NRXN1: variants seen among roughly 807,000 people sequenced by gnomAD.
NRXN1 encodes neurexin-1.
Under a neutral mutation model 150.9 loss-of-function variants are expected in NRXN1, and 39 were observed. The observed-to-expected ratio is 0.26, with a 90% CI of 0.20 to 0.34. The LOEUF is 0.34. Among genes scored for constraint, NRXN1 ranks in the 10% least tolerant of loss-of-function variants. The pLI is 1.00. For missense variants in NRXN1, 1,815 were observed against 1,949.9 expected (o/e 0.93, Z 1.30); for synonymous variants, 924 against 757.0 (o/e 1.22, Z -3.62).
rs773828290 is a variant in NRXN1, at chr2:50,091,500, AGAGAG to A, written c.3547-11_3547-7del. 1.2e-6 allele frequency: 2 copies of A among 1,614,060 alleles called. No homozygotes were observed. The highest frequency in any genetic ancestry group is 1.7e-6 in the Non-Finnish European group (2 of 1,179,978). On this transcript the variant is annotated splice_polypyrimidine_tract_variant and splice_region_variant and intron_variant, in intron 18 of 22. Coordinates refer to ENST00000401669, the MANE Select transcript of NRXN1 (RefSeq NM_001330078.2). Reference sequence around the variant, plus strand: ...ACTCCAATTTTTCCCTGGTGCTGTAAGAGAGGAGGGGAAAAAAGAGTTGAATTAAG... The same window carrying A: ...ACTCCAATTTTTCCCTGGTGCTGTAAGAGGGGAAAAAAGAGTTGAATTAAG...
intron 21 of NRXN1, among the ~76,000 whole-genome samples, chr2:50,014,937 C>G (rs997978059): frequency 1.3e-5 from 2 of 152,138 alleles, no homozygotes; most frequent in African/African-American, 4.8e-5. Flanking sequence ...CCGGTGTAGT[C>G]AAGACTTCTG....
Position 50,351,820 on chromosome 2 carries a change from T to C in NRXN1, c.3364+113622A>G, listed in dbSNP as rs987917191. ...GGTGGGTGCTGTCGTTGAAATACTG[T>C]CATATTTGCTTCAGGAAAACCATTT... is the stretch of plus-strand genomic sequence containing the variant. On this transcript the variant is annotated intron_variant, in intron 17 of 22. Transcript: ENST00000401669. Among the ~76,000 whole-genome samples, 8 of 152,140 alleles carry C rather than the reference T, an allele frequency of 5.3e-5. No individual in the cohort carries two copies. The South Asian group carries it at 1.0e-3, about 20-fold the overall frequency.
intron 2 of NRXN1, among the ~76,000 whole-genome samples, chr2:50,997,041 A>G (rs957763922): frequency 6.6e-6 from 1 of 152,016 alleles, no homozygotes. Context: ...AGTTTAAAAA[A>G]CTGCAAGAAG....
At chr2:50,708,501 T>A (rs1480637687) in intron 5 of NRXN1, among the ~76,000 whole-genome samples, 1 of 152,120 alleles carries the variant, frequency 6.6e-6, no homozygotes. Context: ...GTTAGTAAGA[T>A]AAAGGACTTA....
At chr2:50,877,131 T>G (rs1255799734) in intron 5 of NRXN1, among the ~76,000 whole-genome samples, 2 of 151,608 alleles carry the variant, frequency 1.3e-5, no homozygotes, top group Non-Finnish European at 3.0e-5. Flanking sequence ...ATGTTAATGA[T>G]GTGCTTGATG....
At chr2:50,807,617 G>A (rs1379988099) in intron 5 of NRXN1, among the ~76,000 whole-genome samples, 3 of 152,070 alleles carry the variant, frequency 2.0e-5, no homozygotes, top group Non-Finnish European at 4.4e-5. Flanking sequence ...TCCCTCCAGA[G>A]AATCAATTTG....
At chr2:50,847,802 G>T (rs1484127917) in intron 5 of NRXN1, among the ~76,000 whole-genome samples, 1 of 152,034 alleles carries the variant, frequency 6.6e-6, no homozygotes, top group African/African-American at 2.4e-5. Flanking sequence ...GCAGCCAGCC[G>T]TCCACCATCG....
intron 17 of NRXN1, among the ~76,000 whole-genome samples, chr2:50,393,751 T>C (rs190364976): frequency 3.9e-5 from 6 of 152,104 alleles, no homozygotes; most frequent in African/African-American, 1.4e-4. Context: ...TCTCCCTACA[T>C]GAGAATCTGG....
At chr2:50,034,947 T>C (rs899353448) in intron 21 of NRXN1, among the ~76,000 whole-genome samples, 1 of 152,126 alleles carries the variant, frequency 6.6e-6, no homozygotes, top group Non-Finnish European at 1.5e-5. Flanking sequence ...AACTTGAATT[T>C]ATTATTTTAA....
At chr2:50,840,796 G>T (rs10490176) in intron 5 of NRXN1, among the ~76,000 whole-genome samples, 1 of 151,892 alleles carries the variant, frequency 6.6e-6, no homozygotes, top group Non-Finnish European at 1.5e-5. Context: ...AATCTTAAGA[G>T]AGGACTTCAG....
chr2:50,925,957 T>C lies in NRXN1; in HGVS notation c.773-2A>G. The C allele has an allele frequency of 1.9e-6, 3 of 1,573,016 alleles. No individual in the cohort carries two copies. The highest frequency in any genetic ancestry group is 2.6e-6 in the Non-Finnish European group (3 of 1,157,580). On this transcript the variant is annotated splice_acceptor_variant, in intron 2 of 22. Transcript: ENST00000401669. LOFTEE classifies it high-confidence loss of function. ...ACCCACCTTCCACATTGTTGTCTTC[T>C]GAAAGCACATGACAAGGAGGGAGAG...
intron 17 of NRXN1, among the ~76,000 whole-genome samples, chr2:50,261,204 C>T (rs1303910764): frequency 6.6e-6 from 1 of 151,684 alleles, no homozygotes; most frequent in East Asian, 1.9e-4. Flanking sequence ...ATAGACTTTC[C>T]ATAGATTGGG....
intron 5 of NRXN1, among the ~76,000 whole-genome samples, chr2:50,695,451 G>C (rs1243290827): frequency 6.6e-6 from 1 of 152,094 alleles, no homozygotes; most frequent in Non-Finnish European, 1.5e-5. Context: ...CATAGATCCT[G>C]GGTTCTATTA....
At chr2:49,977,876 C>T (rs921508361) in intron 21 of NRXN1, among the ~76,000 whole-genome samples, 2 of 152,076 alleles carry the variant, frequency 1.3e-5, no homozygotes, top group African/African-American at 4.8e-5. Flanking sequence ...AAGGTATGGA[C>T]AGAAAATGTA....
At chr2:49,943,872 T>C in intron 21 of NRXN1, 81 bp from the exon 22 acceptor site, 3 of 1,041,650 alleles carry the variant, frequency 2.9e-6, no homozygotes, top group Non-Finnish European at 1.5e-6. Context: ...ACAAGTGAAA[T>C]ACAATTTGTT....
intron 5 of NRXN1, among the ~76,000 whole-genome samples, chr2:50,673,955 G>A (rs1173263248): frequency 1.3e-5 from 2 of 152,110 alleles, no homozygotes; most frequent in Admixed American, 1.3e-4. Flanking sequence ...TCAGGGGGTG[G>A]GGTGCTGGGG....
intron 5 of NRXN1, among the ~76,000 whole-genome samples, chr2:50,802,166 C>A (rs2105699606): frequency 6.6e-6 from 1 of 152,250 alleles, no homozygotes. Context: ...GATGTCCTAA[C>A]CCTCAGTGCC....
At chr2:50,316,752 A>C (rs920946916) in intron 17 of NRXN1, among the ~76,000 whole-genome samples, 13 of 152,094 alleles carry the variant, frequency 8.5e-5, no homozygotes, top group African/African-American at 3.1e-4. Flanking sequence ...AGAAATACAA[A>C]TTTGCCGAAA....
chr2:50,425,980 G>A (rs1396246028), intron 17 of NRXN1, among the ~76,000 whole-genome samples: 5 of 152,140 alleles, frequency 3.3e-5, no homozygotes, highest in Non-Finnish European at 7.3e-5. Flanking sequence ...CCCAACCTCT[G>A]TGTGCATCTA....
Sources: gnomAD v4.1 joint callset for allele counts (sites outside exome capture counted in the v4.1 genomes callset) on GRCh38, gnomAD v4.1.1 for gene constraint, MANE v1.5 for transcripts, NCBI Gene and HGNC (gene_info 2026-07-23, HGNC 2026-07-21) for gene names.